LIPA: variants seen among roughly 807,000 people sequenced by gnomAD.
LIPA encodes lipase A, lysosomal acid type.
A neutral mutation model predicts 40.6 loss-of-function variants in LIPA; 26 were observed. The ratio of observed to expected loss-of-function variants is 0.64; its 90% confidence interval spans 0.47 to 0.89. LIPA has a LOEUF of 0.89. Among genes scored for constraint, LIPA ranks in the 40% least tolerant of loss-of-function variants. The probability of loss-of-function intolerance (pLI) is 0.00; values close to 1 mark genes in which losing one functional copy is unlikely to be tolerated. For synonymous variants in LIPA, 188 were observed against 168.4 expected (o/e 1.12, Z -0.90); for missense variants, 455 against 479.6 (o/e 0.95, Z 0.48).
At chr10:89,235,961 C>T (rs1842899919) in intron 3 of LIPA, among the ~76,000 whole-genome samples, 2 of 152,058 alleles carry the variant, frequency 1.3e-5, no homozygotes, top group Admixed American at 1.3e-4. Flanking sequence ...TGCACAGGTC[C>T]ACTCATACAT....
At chr10:89,294,602 CA>C (rs1564778192) in intron 1 of LIPA, among the ~76,000 whole-genome samples, 1 of 152,164 alleles carries the variant, frequency 6.6e-6, no homozygotes, top group Non-Finnish European at 1.5e-5. Context: ...ATCAAGTTTC[CA>C]ACACATGAAC....
intron 1 of LIPA, chr10:89,339,918 A>C (rs1203059244): frequency 1.2e-6 from 2 of 1,614,074 alleles, no homozygotes; most frequent in African/African-American, 2.7e-5. Flanking sequence ...GGTATCTTCA[A>C]GGATTAATTC....
rs77736978 is a variant in LIPA, at chr10:89,222,252, T to C, written c.894+259A>G. On this transcript the variant is annotated intron_variant, in intron 8 of 9. Coordinates refer to ENST00000336233, the MANE Select transcript of LIPA (RefSeq NM_000235.4). ...AGGAAAGGGAGAGAATATATTAACC[T>C]GAGACTTGAGGAAGGGAGAGGAGGG... Among the ~76,000 whole-genome samples, 2,627 of 152,188 alleles carry C rather than the reference T, an allele frequency of 0.017. 84 individuals are homozygous for C. Among genetic ancestry groups the C allele is most frequent in the African/African-American group, 0.061 (2,514 of 41,488 alleles).
chr10:89,352,962 G>A (rs1274429355), intron 2 of LIPA, among the ~76,000 whole-genome samples: 2 of 152,070 alleles, frequency 1.3e-5, no homozygotes, highest in Admixed American at 6.5e-5. Context: ...AACTCTACTC[G>A]CCTGAGACAA....
intron 9 of LIPA, 141 bp downstream of exon 9, chr10:89,215,797 G>A: frequency 1.3e-6 from 1 of 758,380 alleles, no homozygotes; most frequent in Non-Finnish European, 2.4e-6. Context: ...TGTTCTGAAT[G>A]GACTGATGGA....
At chr10:89,292,303 T>G (rs1276429619) in intron 1 of LIPA, 1 of 152,242 alleles carries the variant, frequency 6.6e-6, no homozygotes, top group Non-Finnish European at 1.5e-5. Flanking sequence ...AAGATCCCTT[T>G]GTACAGAGGC....
rs200702666 is a variant in LIPA at position 89,258,466 on chromosome 10, T to TA, written c.-1-10818dup. 6.1e-3 allele frequency among the ~76,000 whole-genome samples: 932 copies of TA among 152,016 alleles called. 7 individuals carry two copies. The highest frequency in any genetic ancestry group is 0.024 in the Middle Eastern group (7 of 294). Reference sequence around the variant, plus strand: ...TTCAAAGTAAAATAACTTTTTTTTCTAAAAAAAAGACGTTTTATAACCATG... The same window carrying TA: ...TTCAAAGTAAAATAACTTTTTTTTCTAAAAAAAAAGACGTTTTATAACCATG... On this transcript the variant is annotated intron_variant, in intron 1 of 5. Transcript: ENST00000282673.
At chr10:89,398,510 T>C (rs1336102114) in intron 2 of LIPA, among the ~76,000 whole-genome samples, 1 of 152,206 alleles carries the variant, frequency 6.6e-6, no homozygotes, top group African/African-American at 2.4e-5. Context: ...ACTCATTTCA[T>C]CCATCAGCCA....
At chr10:89,392,605 G>T in intron 2 of LIPA, 12 of 1,242,958 alleles carry the variant, frequency 9.7e-6, no homozygotes, top group Non-Finnish European at 1.4e-5. Context: ...ATATAACACT[G>T]TCTTGGGGTT....
At chr10:89,265,647 G>A (rs1843231965) in intron 1 of LIPA, among the ~76,000 whole-genome samples, 1 of 152,166 alleles carries the variant, frequency 6.6e-6, no homozygotes, top group Non-Finnish European at 1.5e-5. Context: ...ATAATATGCA[G>A]TCTAGTTTCT....
At chr10:89,301,685 T>C (rs1007184298) in intron 1 of LIPA, among the ~76,000 whole-genome samples, 1 of 152,218 alleles carries the variant, frequency 6.6e-6, no homozygotes, top group Non-Finnish European at 1.5e-5. Context: ...TGTATATCTT[T>C]AACAGTATCT....
At position 89,297,299 on chromosome 10, in the gene LIPA, T is replaced by C. The variant is rs1843420980; in HGVS notation, c.-2+45312A>G. On this transcript the variant is annotated intron_variant, in intron 1 of 5. Coordinates refer to the LIPA transcript ENST00000282673. ...CTCTGACACCAGTATGGGTGGTGAT[T>C]TGGAGACCCCACAAGGGTATTTCAT... Among the ~76,000 whole-genome samples the C allele has an allele frequency of 3.9e-5, 6 of 152,158 alleles. No homozygotes were observed. The South Asian group carries it at 1.2e-3, about 32-fold the overall frequency.
At chr10:89,392,784 T>C (rs1452828367) in intron 2 of LIPA, 1 of 1,515,640 alleles carries the variant, frequency 6.6e-7, no homozygotes, top group Non-Finnish European at 9.2e-7. Context: ...TTAAATACTA[T>C]TTCAACAGGT....
rs376378808 is a variant in LIPA at position 89,402,363 on chromosome 10, G to A, written c.61+10428C>T. Reference sequence around the variant, plus strand: ...TACATGGGAGTTATCCATTGATGACGATGAAATGCCTGATTTAGAAAACAG... The same window carrying A: ...TACATGGGAGTTATCCATTGATGACAATGAAATGCCTGATTTAGAAAACAG... On this transcript the variant is annotated intron_variant, in intron 2 of 8. Transcript: ENST00000371837. The A allele has an allele frequency of 7.3e-4, 1,174 of 1,614,130 alleles. 24 individuals carry two copies. The South Asian group carries it at 0.012, about 17-fold the overall frequency.
chr10:89,312,126 GTTAT>G (rs1843519877), intron 1 of LIPA, among the ~76,000 whole-genome samples: 1 of 152,066 alleles, frequency 6.6e-6, no homozygotes, highest in Non-Finnish European at 1.5e-5. Flanking sequence ...TGCCTACCAG[GTTAT>G]TTATCTCTTC....
At chr10:89,393,341 G>T in intron 2 of LIPA, 2 of 1,265,010 alleles carry the variant, frequency 1.6e-6, no homozygotes, top group Non-Finnish European at 2.1e-6. Context: ...CTAGGCTCTT[G>T]GTACGTCCTT....
At chr10:89,361,620 T>A (rs754010744) in intron 2 of LIPA, among the ~76,000 whole-genome samples, 8 of 152,142 alleles carry the variant, frequency 5.3e-5, no homozygotes, top group African/African-American at 1.9e-4. Context: ...TTCCAACTAA[T>A]CTAAGTCACT....
At chr10:89,349,478 A>G (rs151089937) in intron 2 of LIPA, among the ~76,000 whole-genome samples, 1 of 152,302 alleles carries the variant, frequency 6.6e-6, no homozygotes, top group East Asian at 1.9e-4. Context: ...CATAGATTCA[A>G]TTATCAAGCC....
Position 89,411,828 on chromosome 10 carries a change from C to T in LIPA, c.61+963G>A, listed in dbSNP as rs559729135. Among the ~76,000 whole-genome samples the T allele has an allele frequency of 2.0e-5, 3 of 152,350 alleles. No homozygotes were observed. In the South Asian group the frequency reaches 6.2e-4, roughly 32 times the overall value. On this transcript the variant is annotated intron_variant, in intron 2 of 8. Transcript: ENST00000371837. ...ACAGGAAAAGGCTTCTGAAATCAGACAACACCTTTCAAACTCTTATACCAA... is the reference window on the plus strand; with the variant it reads ...ACAGGAAAAGGCTTCTGAAATCAGATAACACCTTTCAAACTCTTATACCAA...
Sources: allele counts gnomAD v4.1 joint callset (sites outside exome capture counted in the v4.1 genomes callset), GRCh38; gene constraint gnomAD v4.1.1; transcripts MANE v1.5; gene names NCBI Gene and HGNC (gene_info 2026-07-23, HGNC 2026-07-21).